The following OTUB1 variants were observed in gnomAD, a reference collection of about 807,000 sequenced individuals.
The protein encoded by OTUB1 is ubiquitin thioesterase OTUB1.
Under a neutral mutation model 35.8 loss-of-function variants are expected in OTUB1, and 10 were observed. That is an observed-to-expected ratio of 0.28 (90% confidence interval 0.17 to 0.47). The LOEUF (loss-of-function observed/expected upper bound fraction) is 0.47. OTUB1 is among the 20% of genes least tolerant of loss of function. The probability of loss-of-function intolerance (pLI) is 0.99; values close to 1 mark genes in which losing one functional copy is unlikely to be tolerated. For missense variants in OTUB1, 264 were observed against 351.6 expected (o/e 0.75, Z 1.99); for synonymous variants, 158 against 143.8 (o/e 1.10, Z -0.71).
rs1281090736 is a variant in OTUB1, at chr11:63,996,515, G to A, written c.220-15G>A. On this transcript the variant is annotated splice_polypyrimidine_tract_variant and intron_variant, in intron 3 of 6. Coordinates refer to ENST00000538426, the MANE Select transcript of OTUB1 (RefSeq NM_017670.3). The stretch of plus-strand genomic sequence containing the variant: ...GGCCTGATGTTAACCTGTCGGGGTG[G>A]GGCTGTCTCCGCAGGACCTCCACAA... The A allele has an allele frequency of 1.2e-6, 2 of 1,613,576 alleles. No homozygotes were observed. Among genetic ancestry groups the A allele is most frequent in the Admixed American group, 3.3e-5 (2 of 59,894 alleles).
At chr11:63,987,303 A>C (rs1380117075) in intron 1 of OTUB1, among the ~76,000 whole-genome samples, 1 of 152,200 alleles carries the variant, frequency 6.6e-6, no homozygotes, top group East Asian at 1.9e-4. Context: ...CAGCCCACGC[A>C]CCTCATTCTC....
chr11:63,990,817 C>T (rs1942666403), intron 3 of OTUB1, among the ~76,000 whole-genome samples: 1 of 152,056 alleles, frequency 6.6e-6, no homozygotes, highest in Admixed American at 6.6e-5. Context: ...GGCAGCACAG[C>T]TCAGTATCAG....
intron 3 of OTUB1, 173 bp downstream of exon 3, chr11:63,988,925 C>G (rs1942644990): frequency 3.5e-6 from 2 of 568,356 alleles, no homozygotes; most frequent in Admixed American, 3.0e-5. Context: ...CACATTGATT[C>G]AATGCTTGAA....
At chr11:63,996,830 G>T in intron 4 of OTUB1, 27 bp from the exon 5 acceptor site, 5 of 1,613,966 alleles carry the variant, frequency 3.1e-6, no homozygotes, top group Non-Finnish European at 3.4e-6. Flanking sequence ...AGCCCATGCT[G>T]GGCCCGCCTT....
chr11:63,994,974 G>C (rs769701363), intron 3 of OTUB1, among the ~76,000 whole-genome samples: 1 of 152,194 alleles, frequency 6.6e-6, no homozygotes, highest in Non-Finnish European at 1.5e-5. Flanking sequence ...ATGTGTATAT[G>C]CTGTTGGGTC....
rs1437568194 is a variant in OTUB1 at position 63,998,016 on chromosome 11, C to G, written c.*470C>G. The stretch of plus-strand genomic sequence containing the variant: ...CACGTCCCGGCTGGGCCCCAGACCC[C>G]AGCTTCCTGCCCTCCACCGGGAGTC... On this transcript the variant is annotated 3_prime_UTR_variant, in exon 7 of 7. Coordinates refer to ENST00000538426, the MANE Select transcript of OTUB1 (RefSeq NM_017670.3). The G allele has an allele frequency of 3.8e-6, 2 of 529,798 alleles. No individual in the cohort carries two copies. Among genetic ancestry groups the G allele is most frequent in the Non-Finnish European group, 6.7e-6 (2 of 296,666 alleles). 32.8% of individuals were successfully genotyped at this position (529,798 alleles called of 1,614,324 possible). A position where few individuals can be genotyped will look rare whatever the true frequency, so the allele number is the denominator to read the frequency against.
intron 3 of OTUB1, among the ~76,000 whole-genome samples, chr11:63,993,381 G>C (rs1942689371): frequency 6.6e-6 from 1 of 152,086 alleles, no homozygotes; most frequent in African/African-American, 2.4e-5. Flanking sequence ...TGAGACTTTG[G>C]CTAGGGGCAA....
Sources: allele counts gnomAD v4.1 joint callset (sites outside exome capture counted in the v4.1 genomes callset), GRCh38; gene constraint gnomAD v4.1.1; transcripts MANE v1.5; gene names NCBI Gene and HGNC (gene_info 2026-07-23, HGNC 2026-07-21).